LRRTM4: variants seen among roughly 807,000 people sequenced by gnomAD.
The protein encoded by LRRTM4 is leucine rich repeat transmembrane neuronal 4, also known as leucine-rich repeat transmembrane neuronal protein 4.
Under a neutral mutation model 47.6 loss-of-function variants are expected in LRRTM4, and 25 were observed. The observed-to-expected ratio is 0.53, with a 90% CI of 0.38 to 0.73. The LOEUF (loss-of-function observed/expected upper bound fraction) is 0.73, where lower values mean the gene tolerates loss of function less well. Among genes scored for constraint, LRRTM4 ranks in the 30% least tolerant of loss-of-function variants. The pLI, the probability that LRRTM4 is intolerant of heterozygous loss-of-function variation, is 0.00. For synonymous variants in LRRTM4, 311 were observed against 269.5 expected (o/e 1.15, Z -1.51); for missense variants, 638 against 713.4 (o/e 0.89, Z 1.20).
intron 3 of LRRTM4, among the ~76,000 whole-genome samples, chr2:76,988,326 C>A (rs1198791129): frequency 6.6e-6 from 1 of 151,746 alleles, no homozygotes; most frequent in African/African-American, 2.4e-5. Flanking sequence ...CGTGGTAGGC[C>A]AGCAATCTAC....
chr2:77,177,062 A>G (rs1381488823), intron 3 of LRRTM4, among the ~76,000 whole-genome samples: 1 of 152,216 alleles, frequency 6.6e-6, no homozygotes, highest in Non-Finnish European at 1.5e-5. Context: ...ATACATATTA[A>G]TAATTCACTA....
chr2:76,787,944 G>T (rs1041731438), intron 3 of LRRTM4, among the ~76,000 whole-genome samples: 6 of 151,998 alleles, frequency 3.9e-5, no homozygotes, highest in African/African-American at 1.5e-4. Context: ...AACATGAATT[G>T]CTTTATGTCT....
rs184264279 is a variant in LRRTM4, at chr2:77,045,370, T to C, written c.1552-296454A>G. Reference sequence around the variant, plus strand: ...ATTTTATTTATCAGCTGAAGTACTATGAAACTGATTCCAGGTATCATGTCA... The same window carrying C: ...ATTTTATTTATCAGCTGAAGTACTACGAAACTGATTCCAGGTATCATGTCA... On this transcript the variant is annotated intron_variant, in intron 3 of 3. Coordinates refer to ENST00000409884, the MANE Select transcript of LRRTM4 (RefSeq NM_001134745.3). 4.1e-4 allele frequency among the ~76,000 whole-genome samples: 62 copies of C among 152,084 alleles called. 2 individuals carry two copies. The highest frequency in any genetic ancestry group is 4.1e-3 in the Admixed American group (62 of 15,216).
intron 3 of LRRTM4, among the ~76,000 whole-genome samples, chr2:76,963,207 A>AAAAAGT (rs1340946266): frequency 6.6e-6 from 1 of 150,976 alleles, no homozygotes; most frequent in Non-Finnish European, 1.5e-5. Flanking sequence ...ATGATTACTA[A>AAAAAGT]AAAAGTAAAA....
intron 3 of LRRTM4, among the ~76,000 whole-genome samples, chr2:77,385,842 G>C (rs895619465): frequency 6.9e-6 from 1 of 145,442 alleles, no homozygotes. Context: ...CCGCATCCTG[G>C]TTTCAAGTGA....
At chr2:77,178,751 G>C (rs1342203672) in intron 3 of LRRTM4, among the ~76,000 whole-genome samples, 2 of 151,898 alleles carry the variant, frequency 1.3e-5, no homozygotes, top group Non-Finnish European at 2.9e-5. Flanking sequence ...AACACATTTT[G>C]GCATTGACTT....
intron 3 of LRRTM4, among the ~76,000 whole-genome samples, chr2:76,824,752 G>A (rs1671146601): frequency 6.6e-6 from 1 of 151,616 alleles, no homozygotes; most frequent in Non-Finnish European, 1.5e-5. Context: ...GGCAGATAAA[G>A]ATGACTGATC....
intron 3 of LRRTM4, among the ~76,000 whole-genome samples, chr2:77,033,858 A>C (rs1022915780): frequency 6.6e-6 from 1 of 151,886 alleles, no homozygotes; most frequent in African/African-American, 2.4e-5. Flanking sequence ...GATTACTTAA[A>C]TGTTAAATAA....
intron 3 of LRRTM4, among the ~76,000 whole-genome samples, chr2:77,170,766 A>G (rs573576840): frequency 7.5e-6 from 1 of 133,572 alleles, no homozygotes; most frequent in East Asian, 2.3e-4. Context: ...TTTATAAATG[A>G]TCATAGGAAT....
intron 3 of LRRTM4, among the ~76,000 whole-genome samples, chr2:76,844,341 C>T (rs182470589): frequency 2.0e-5 from 3 of 151,122 alleles, no homozygotes; most frequent in East Asian, 2.0e-4. Flanking sequence ...TTCACCATGT[C>T]GGCCAGGATG....
At chr2:77,129,953 G>A (rs1027643816) in intron 3 of LRRTM4, among the ~76,000 whole-genome samples, 4 of 152,108 alleles carry the variant, frequency 2.6e-5, no homozygotes, top group African/African-American at 9.7e-5. Flanking sequence ...CTAAAAATAC[G>A]AATAAAAACA....
chr2:77,175,270 G>A (rs1297516651), intron 3 of LRRTM4, among the ~76,000 whole-genome samples: 1 of 151,832 alleles, frequency 6.6e-6, no homozygotes, highest in Non-Finnish European at 1.5e-5. Flanking sequence ...GGCAGGGCTT[G>A]CATGTCTGAC....
At chr2:76,873,571 G>A (rs1672699885) in intron 3 of LRRTM4, among the ~76,000 whole-genome samples, 1 of 139,958 alleles carries the variant, frequency 7.1e-6, no homozygotes, top group Non-Finnish European at 1.5e-5. Context: ...AAAAAGATAT[G>A]CTAGATCCTC....
chr2:76,767,670 T>G (rs1573068705), intron 3 of LRRTM4, among the ~76,000 whole-genome samples: 2 of 150,734 alleles, frequency 1.3e-5, no homozygotes, highest in African/African-American at 4.9e-5. Flanking sequence ...ATGCTCCCAC[T>G]CTGCATAGCA....
chr2:77,230,829 T>C (rs894460510), intron 3 of LRRTM4, among the ~76,000 whole-genome samples: 5 of 152,066 alleles, frequency 3.3e-5, no homozygotes, highest in Non-Finnish European at 7.4e-5. Context: ...TTAAAAGAAA[T>C]AGTTATCACT....
At chr2:76,967,242 C>A (rs1676057982) in intron 3 of LRRTM4, among the ~76,000 whole-genome samples, 1 of 150,824 alleles carries the variant, frequency 6.6e-6, no homozygotes, top group Non-Finnish European at 1.5e-5. Flanking sequence ...TTCCAGACAC[C>A]TCCCTGAGTT....
intron 3 of LRRTM4, among the ~76,000 whole-genome samples, chr2:77,085,003 A>C (rs781641709): frequency 1.3e-5 from 2 of 152,152 alleles, no homozygotes; most frequent in Non-Finnish European, 2.9e-5. Context: ...AAAGCTTACA[A>C]TGCTTATAAT....
intron 3 of LRRTM4, among the ~76,000 whole-genome samples, chr2:76,964,807 A>AAG (rs1315882512): frequency 5.3e-5 from 8 of 150,820 alleles, no homozygotes; most frequent in Non-Finnish European, 1.0e-4. Flanking sequence ...ACAATTAATA[A>AAG]AGAGAGAGAG....
intron 3 of LRRTM4, among the ~76,000 whole-genome samples, chr2:76,934,487 T>C (rs1002808087): frequency 3.9e-5 from 6 of 152,224 alleles, no homozygotes; most frequent in Non-Finnish European, 2.9e-5. Context: ...CACACAGTTG[T>C]TGCAAGACTT....
Sources: gnomAD v4.1 joint callset for allele counts (sites outside exome capture counted in the v4.1 genomes callset) on GRCh38, gnomAD v4.1.1 for gene constraint, MANE v1.5 for transcripts, NCBI Gene and HGNC (gene_info 2026-07-23, HGNC 2026-07-21) for gene names.